The following DGKG variants were observed in gnomAD, a reference collection of about 807,000 sequenced individuals.
DGKG encodes diacylglycerol kinase gamma.
DGKG carries 78 observed loss-of-function variants against 105.3 expected under a neutral mutation model. The observed-to-expected ratio is 0.74, with a 90% CI of 0.62 to 0.89. The LOEUF (loss-of-function observed/expected upper bound fraction) is 0.89. Among genes scored for constraint, DGKG ranks in the 40% least tolerant of loss-of-function variants. The pLI is 0.00. For missense variants in DGKG, 958 were observed against 1,020.1 expected (o/e 0.94, Z 0.83); for synonymous variants, 346 against 367.1 (o/e 0.94, Z 0.66).
chr3:186,304,828 G>T (rs1037404871), intron 3 of DGKG, among the ~76,000 whole-genome samples: 1 of 152,186 alleles, frequency 6.6e-6, no homozygotes, highest in South Asian at 2.1e-4. Context: ...CTTGTTGATG[G>T]CAGAGGTAGA....
At chr3:186,306,383 T>C (rs114017196) in intron 3 of DGKG, among the ~76,000 whole-genome samples, 2,371 of 151,198 alleles carry the variant, frequency 0.016, 69 homozygotes, top group African/African-American at 0.055. Context: ...GAGGTAGAGA[T>C]ATAGAGAAAA....
At chr3:186,161,452 G>A (rs1470478838) in intron 24 of DGKG, 151 bp downstream of exon 24, 29 of 1,456,742 alleles carry the variant, frequency 2.0e-5, no homozygotes, top group Non-Finnish European at 2.5e-5. Context: ...GTAAATGAGT[G>A]GATGGATAAT....
At chr3:186,321,270 G>C (rs1443600070) in intron 1 of DGKG, among the ~76,000 whole-genome samples, 1 of 152,162 alleles carries the variant, frequency 6.6e-6, no homozygotes, top group East Asian at 1.9e-4. Flanking sequence ...CTTTTCCTTT[G>C]AGCCTCTCAT....
chr3:186,250,165 T>C (rs1039164895), intron 19 of DGKG, among the ~76,000 whole-genome samples: 3 of 152,140 alleles, frequency 2.0e-5, no homozygotes, highest in East Asian at 3.9e-4. Flanking sequence ...AGGATAATGA[T>C]ACCTGCAGGA....
chr3:186,215,508 T>A (rs188840939), intron 20 of DGKG, among the ~76,000 whole-genome samples: 86 of 151,976 alleles, frequency 5.7e-4, no homozygotes, highest in Non-Finnish European at 1.0e-3. Context: ...CTAATCAGAC[T>A]TAGGTTTTTT....
Position 186,185,533 on chromosome 3 carries a change from G to A in DGKG, c.2095+2669C>T, listed in dbSNP as rs529004029. ...CAAGAGCTTCCCCCAGCCCTAGGGT[G>A]GTGGAGAGTCGAAGTGGGGAGCAGG... On this transcript the variant is annotated intron_variant, in intron 22 of 24. Transcript: ENST00000265022. 2.6e-5 allele frequency among the ~76,000 whole-genome samples: 4 copies of A among 152,294 alleles called. No homozygotes were observed. In the South Asian group the frequency reaches 8.3e-4, roughly 32 times the overall value.
chr3:186,196,163 A>G (rs1718171820), intron 21 of DGKG, among the ~76,000 whole-genome samples: 1 of 135,814 alleles, frequency 7.4e-6, no homozygotes, highest in Non-Finnish European at 1.5e-5. Flanking sequence ...TTTAAGACTG[A>G]GTCTCACTCT....
At position 186,150,409 on chromosome 3, in the gene DGKG, G is replaced by C. The variant is rs78809057; in HGVS notation, c.2278-221C>G. On this transcript the variant is annotated intron_variant, in intron 24 of 24. Transcript: ENST00000265022. ...GGGCGGAAGCACTGGGGAGAGACAG[G>C]TGTGAGCTTCCCACGTGGTGATCAG... Among the ~76,000 whole-genome samples the C allele has an allele frequency of 1.0e-3, 155 of 152,198 alleles. 2 individuals are homozygous for C. Among genetic ancestry groups the C allele is most frequent in the Admixed American group, 2.1e-3 (32 of 15,292 alleles).
At chr3:186,297,002 G>C (rs1172105213) in intron 5 of DGKG, among the ~76,000 whole-genome samples, 1 of 150,934 alleles carries the variant, frequency 6.6e-6, no homozygotes, top group South Asian at 2.1e-4. Context: ...ACATCCACTG[G>C]TAGAGTCATC....
intron 20 of DGKG, among the ~76,000 whole-genome samples, chr3:186,232,535 A>C (rs1437446824): frequency 6.6e-6 from 1 of 152,224 alleles, no homozygotes; most frequent in Non-Finnish European, 1.5e-5. Context: ...TATATCTATC[A>C]AGTTAACTGC....
rs1036425365 is a variant in DGKG, at chr3:186,284,038, A to G, written c.594+622T>C. 3.3e-5 allele frequency among the ~76,000 whole-genome samples: 5 copies of G among 152,102 alleles called. No homozygotes were observed. The highest frequency in any genetic ancestry group is 9.7e-5 in the African/African-American group (4 of 41,408). ...TCTTCCTTTTACTCCACGAGCCTTG[A>G]TCGATCCTTGCCTGTTCCTGAAGGG... is the stretch of plus-strand genomic sequence containing the variant. On this transcript the variant is annotated intron_variant, in intron 7 of 24. Transcript: ENST00000265022. The surrounding 1 kb of genome is among the most constrained non-coding windows in gnomAD (Gnocchi z 4.0).
At chr3:186,161,470 A>G (rs1176482508) in intron 24 of DGKG, 133 bp downstream of exon 24, 9 of 1,483,050 alleles carry the variant, frequency 6.1e-6, no homozygotes, top group Non-Finnish European at 9.0e-7. Context: ...AATAAAGTGG[A>G]AGAGGGGTTG....
intron 1 of DGKG, among the ~76,000 whole-genome samples, chr3:186,355,964 C>T (rs1726935280): frequency 6.6e-6 from 1 of 152,140 alleles, no homozygotes; most frequent in Admixed American, 6.5e-5. Flanking sequence ...TAGTTTATGT[C>T]AGACCAACAA....
intron 2 of DGKG, among the ~76,000 whole-genome samples, chr3:186,320,063 T>A (rs1039828030): frequency 2.0e-5 from 3 of 152,048 alleles, no homozygotes; most frequent in African/African-American, 7.2e-5. Flanking sequence ...TAACGCAGGG[T>A]GTATACAGTG....
Position 186,284,758 on chromosome 3 carries a change from G to C in DGKG, c.545-49C>G. ...CTTGAGGTGTCCTCTAAGAAGCGCGGATGGCTGAAGTTTTGATGCTGCCAG... is the reference window on the plus strand; with the variant it reads ...CTTGAGGTGTCCTCTAAGAAGCGCGCATGGCTGAAGTTTTGATGCTGCCAG... On this transcript the variant is annotated intron_variant, in intron 6 of 24. Coordinates refer to ENST00000265022, the MANE Select transcript of DGKG (RefSeq NM_001346.3). This position sits in a 1 kb window ranked among gnomAD's most constrained non-coding sequence, Gnocchi z 4.0. The C allele has an allele frequency of 6.6e-7, 1 of 1,521,786 alleles. No individual in the cohort carries two copies. The highest frequency in any genetic ancestry group is 9.1e-7 in the Non-Finnish European group (1 of 1,097,474). 94.3% of individuals were successfully genotyped at this position (1,521,786 alleles called of 1,614,324 possible).
chr3:186,241,327 C>CA (rs1720675501), intron 20 of DGKG, among the ~76,000 whole-genome samples: 1 of 151,718 alleles, frequency 6.6e-6, no homozygotes, highest in Non-Finnish European at 1.5e-5. Flanking sequence ...CCGAGGAGGA[C>CA]GGGTCACTTG....
At chr3:186,156,936 AAAT>A (rs1014354813) in intron 24 of DGKG, among the ~76,000 whole-genome samples, 112 of 152,012 alleles carry the variant, frequency 7.4e-4, no homozygotes, top group African/African-American at 2.6e-3. Context: ...TACCACCTAC[AAAT>A]AATGACAGTT....
intron 22 of DGKG, among the ~76,000 whole-genome samples, chr3:186,176,521 G>A (rs1717085566): frequency 6.6e-6 from 1 of 152,150 alleles, no homozygotes; most frequent in Non-Finnish European, 1.5e-5. Flanking sequence ...TTATTCTGGT[G>A]GTTGGGTCAG....
intron 14 of DGKG, among the ~76,000 whole-genome samples, chr3:186,265,021 A>G (rs1344077026): frequency 1.3e-5 from 2 of 152,244 alleles, no homozygotes; most frequent in Non-Finnish European, 2.9e-5. Context: ...AAGCCCAATA[A>G]GACCAGCAAT....
Sources: gnomAD v4.1 joint callset for allele counts (sites outside exome capture counted in the v4.1 genomes callset) on GRCh38, gnomAD v4.1.1 for gene constraint, Gnocchi (gnomAD v3.1) non-coding constraint, MANE v1.5 for transcripts, NCBI Gene and HGNC (gene_info 2026-07-23, HGNC 2026-07-21) for gene names.